The following ZNF407 variants were observed in gnomAD, a reference collection of about 807,000 sequenced individuals.
ZNF407 encodes zinc finger protein 407.
Under a neutral mutation model 131.2 loss-of-function variants are expected in ZNF407, and 17 were observed. That is an observed-to-expected ratio of 0.13 (90% confidence interval 0.09 to 0.19). The LOEUF (loss-of-function observed/expected upper bound fraction) is 0.19, where lower values mean the gene tolerates loss of function less well. ZNF407 is among the 10% of genes least tolerant of loss of function. The pLI, the probability that ZNF407 is intolerant of heterozygous loss-of-function variation, is 1.00. For synonymous variants in ZNF407, 1,156 were observed against 1,062.0 expected (o/e 1.09, Z -1.72); for missense variants, 2,681 against 2,830.6 (o/e 0.95, Z 1.20).
intron 8 of ZNF407, among the ~76,000 whole-genome samples, chr18:74,955,546 A>G (rs1228750265): frequency 6.6e-6 from 1 of 152,216 alleles, no homozygotes; most frequent in Non-Finnish European, 1.5e-5. Flanking sequence ...CACAATCAGT[A>G]TGTCTTTACT....
chr18:74,849,954 G>A (rs550930556), intron 4 of ZNF407, among the ~76,000 whole-genome samples: 2 of 152,150 alleles, frequency 1.3e-5, no homozygotes, highest in Non-Finnish European at 2.9e-5. Flanking sequence ...TTCATAAGGA[G>A]GCTAATCCTT....
intron 3 of ZNF407, among the ~76,000 whole-genome samples, chr18:74,780,024 CT>C (rs11376076): frequency 1.5e-4 from 22 of 151,604 alleles, no homozygotes; most frequent in African/African-American, 4.1e-4. Flanking sequence ...AATTTTTGTA[CT>C]TTTTTTTGCT....
At chr18:74,941,979 A>G (rs1439014530) in intron 8 of ZNF407, among the ~76,000 whole-genome samples, 1 of 152,182 alleles carries the variant, frequency 6.6e-6, no homozygotes, top group Non-Finnish European at 1.5e-5. Flanking sequence ...CTAAAAATAG[A>G]TGATCTTCAT....
intron 3 of ZNF407, among the ~76,000 whole-genome samples, chr18:74,743,426 T>A (rs1046609387): frequency 6.6e-6 from 1 of 152,144 alleles, no homozygotes. Flanking sequence ...AATGGTTTGG[T>A]TCTTTAGTTG....
chr18:74,943,750 G>A (rs564207655), intron 8 of ZNF407, among the ~76,000 whole-genome samples: 294 of 152,256 alleles, frequency 1.9e-3, no homozygotes, highest in African/African-American at 6.9e-3. Flanking sequence ...CCTACAGTCT[G>A]TTCTCTTGCT....
intron 3 of ZNF407, among the ~76,000 whole-genome samples, chr18:74,643,549 A>C (rs1414346324): frequency 6.6e-6 from 1 of 151,978 alleles, no homozygotes; most frequent in Non-Finnish European, 1.5e-5. Context: ...AATATAAAAA[A>C]ATTGGGCAGT....
At chr18:74,784,400 AT>A (rs1336685787) in intron 4 of ZNF407, among the ~76,000 whole-genome samples, 1 of 152,252 alleles carries the variant, frequency 6.6e-6, no homozygotes, top group Non-Finnish European at 1.5e-5. Flanking sequence ...ATTATAATTT[AT>A]TAAAAATAAA....
chr18:74,939,480 G>A (rs1972073621), intron 8 of ZNF407, among the ~76,000 whole-genome samples: 1 of 152,154 alleles, frequency 6.6e-6, no homozygotes, highest in African/African-American at 2.4e-5. Flanking sequence ...TATTCCTTAT[G>A]TATAGAAACC....
At chr18:74,896,749 A>G (rs1044155949) in intron 7 of ZNF407, among the ~76,000 whole-genome samples, 15 of 152,138 alleles carry the variant, frequency 9.9e-5, no homozygotes, top group Admixed American at 2.0e-4. Context: ...TTTAGGTGGG[A>G]TTTTTTTGAG....
chr18:74,605,418 A>G (rs908047723), intron 1 of ZNF407, among the ~76,000 whole-genome samples: 2 of 152,232 alleles, frequency 1.3e-5, no homozygotes, highest in Non-Finnish European at 2.9e-5. Context: ...TGGAATGTGG[A>G]TAAGTCTTCA....
intron 3 of ZNF407, among the ~76,000 whole-genome samples, chr18:74,664,477 G>A (rs1414137870): frequency 2.0e-5 from 3 of 151,992 alleles, no homozygotes; most frequent in Admixed American, 6.5e-5. Flanking sequence ...CCTGGGCGAC[G>A]GAGTGAGACT....
intron 3 of ZNF407, among the ~76,000 whole-genome samples, chr18:74,757,825 C>T (rs72971359): frequency 4.6e-5 from 7 of 152,112 alleles, no homozygotes; most frequent in East Asian, 1.9e-4. Context: ...GTTATTAGTA[C>T]GTTTGTGTTT....
intron 3 of ZNF407, among the ~76,000 whole-genome samples, chr18:74,643,755 A>T (rs1041713244): frequency 6.6e-6 from 1 of 151,984 alleles, no homozygotes; most frequent in Non-Finnish European, 1.5e-5. Flanking sequence ...ATGATTTTGG[A>T]TGCTCATCAA....
chr18:75,002,088 G>A (rs569676654), intron 8 of ZNF407, among the ~76,000 whole-genome samples: 6 of 152,296 alleles, frequency 3.9e-5, no homozygotes, highest in Admixed American at 3.3e-4. Context: ...GGCCTATGAG[G>A]GCTGGCCAGC....
At chr18:74,794,551 T>A (rs1370690918) in intron 4 of ZNF407, among the ~76,000 whole-genome samples, 5 of 152,182 alleles carry the variant, frequency 3.3e-5, no homozygotes, top group African/African-American at 9.7e-5. Context: ...TAACGCTACG[T>A]TGCTTATTGC....
At chr18:74,939,649 C>G (rs893398811) in intron 8 of ZNF407, among the ~76,000 whole-genome samples, 1 of 152,094 alleles carries the variant, frequency 6.6e-6, no homozygotes. Context: ...TTGACGGTAC[C>G]CATTGATGAA....
chr18:75,028,283 G>A (rs931245665), intron 8 of ZNF407, among the ~76,000 whole-genome samples: 1 of 152,126 alleles, frequency 6.6e-6, no homozygotes, highest in Admixed American at 6.5e-5. Context: ...CAAGGTGTTG[G>A]GCAGGACTGG....
intron 4 of ZNF407, among the ~76,000 whole-genome samples, chr18:74,848,127 A>T (rs1479581728): frequency 1.3e-5 from 2 of 152,198 alleles, no homozygotes; most frequent in Admixed American, 1.3e-4. Flanking sequence ...TTTTTCACAG[A>T]CATACATTGT....
At chr18:74,849,052 C>CTTTTTTTTTGTTTT (rs1970741460) in intron 4 of ZNF407, among the ~76,000 whole-genome samples, 1 of 122,946 alleles carries the variant, frequency 8.1e-6, no homozygotes, top group African/African-American at 3.0e-5. Context: ...ACTTTTGTTT[C>CTTTTTTTTTGTTTT]TTTTTTTTTT....
Sources: gnomAD v4.1 joint callset for allele counts (sites outside exome capture counted in the v4.1 genomes callset) on GRCh38, gnomAD v4.1.1 for gene constraint, MANE v1.5 for transcripts, NCBI Gene and HGNC (gene_info 2026-07-23, HGNC 2026-07-21) for gene names.